NBEA: variants seen among roughly 807,000 people sequenced by gnomAD.
The protein encoded by NBEA is lysosomal-trafficking regulator 2.
Under a neutral mutation model 343.4 loss-of-function variants are expected in NBEA, and 44 were observed. The ratio of observed to expected loss-of-function variants is 0.13; its 90% CI spans 0.10 to 0.16. The LOEUF is 0.16. NBEA is among the 10% of genes least tolerant of loss of function. The pLI, the probability that NBEA is intolerant of heterozygous loss-of-function variation, is 1.00. For missense variants in NBEA, 2,555 were observed against 3,631.3 expected, an observed-to-expected ratio of 0.70 and a Z score of 7.62; for synonymous variants, 1,175 against 1,238.7, an observed-to-expected ratio of 0.95 and a Z score of 1.08.
In NBEA at chr13:35,386,667, T is replaced by A. The variant is rs536730120; in HGVS notation, c.6179+34344T>A. 1.9e-3 allele frequency among the ~76,000 whole-genome samples: 282 copies of A among 152,296 alleles called. 1 individual carries two copies. The highest frequency in any genetic ancestry group is 6.5e-3 in the African/African-American group (269 of 41,584). On this transcript the variant is annotated intron_variant, in intron 38 of 58. Coordinates refer to ENST00000379939, the MANE Select transcript of NBEA (RefSeq NM_001385012.1). Reference sequence around the variant, plus strand: ...ATTTTTTAAAATTCAATGTTTTGGTTAACTAGATTTAACAATTAGTTTGTA... The same window carrying A: ...ATTTTTTAAAATTCAATGTTTTGGTAAACTAGATTTAACAATTAGTTTGTA...
chr13:35,273,153 C>G (rs1342693634), intron 34 of NBEA, among the ~76,000 whole-genome samples: 5 of 152,194 alleles, frequency 3.3e-5, no homozygotes, highest in Non-Finnish European at 7.3e-5. Flanking sequence ...AACAAACTTT[C>G]TCTCAGACCA....
At chr13:35,278,387 T>C (rs1162660369) in intron 34 of NBEA, among the ~76,000 whole-genome samples, 2 of 152,132 alleles carry the variant, frequency 1.3e-5, no homozygotes, top group East Asian at 3.9e-4. Context: ...TGCAATGTAA[T>C]TGACCATTTT....
chr13:35,273,096 A>T (rs889660789), intron 34 of NBEA, among the ~76,000 whole-genome samples: 5 of 152,150 alleles, frequency 3.3e-5, no homozygotes, highest in African/African-American at 1.2e-4. Context: ...TGACCACATA[A>T]TTGGAAGTAA....
At chr13:35,179,407 G>A (rs1290679180) in intron 28 of NBEA, among the ~76,000 whole-genome samples, 1 of 151,480 alleles carries the variant, frequency 6.6e-6, no homozygotes, top group East Asian at 1.9e-4. Flanking sequence ...AAATACCTGA[G>A]CAAGTCAATT....
intron 32 of NBEA, among the ~76,000 whole-genome samples, 153 bp from the exon 33 acceptor site, chr13:35,210,900 T>TATAAAATTATATAAAATTAG (rs2073729394): frequency 6.6e-6 from 1 of 152,208 alleles, no homozygotes; most frequent in South Asian, 2.1e-4. Flanking sequence ...ATTATGTTCA[T>TATAAAATTATATAAAATTAG]TAGCATACTT....
At chr13:35,149,266 T>C (rs2068624637) in intron 18 of NBEA, among the ~76,000 whole-genome samples, 1 of 152,222 alleles carries the variant, frequency 6.6e-6, no homozygotes, top group Admixed American at 6.5e-5. Context: ...ATTTTCTTTC[T>C]TTATTCTGAT....
At chr13:35,370,628 T>C (rs1238542352) in intron 38 of NBEA, among the ~76,000 whole-genome samples, 1 of 152,106 alleles carries the variant, frequency 6.6e-6, no homozygotes, top group African/African-American at 2.4e-5. Context: ...TCTCTTTTAT[T>C]GTTTATCATT....
At chr13:35,330,716 G>A (rs1002571325) in intron 36 of NBEA, among the ~76,000 whole-genome samples, 5 of 151,942 alleles carry the variant, frequency 3.3e-5, no homozygotes, top group East Asian at 1.9e-4. Context: ...ATCAACTGAC[G>A]CAAAGGCATG....
chr13:35,584,076 T>C, intron 46 of NBEA, 38 bp downstream of exon 46: 2 of 1,570,282 alleles, frequency 1.3e-6, no homozygotes, highest in Non-Finnish European at 1.7e-6. Flanking sequence ...CTTTGGTACC[T>C]TAAAATTTTA....
intron 17 of NBEA, among the ~76,000 whole-genome samples, chr13:35,139,748 T>TTG (rs1170983626): frequency 1.0e-4 from 14 of 137,250 alleles, no homozygotes; most frequent in African/African-American, 4.1e-4. Flanking sequence ...GATGGCGTTT[T>TTG]TTTTTTTTTT....
chr13:35,519,793 C>T (rs1442666267), intron 41 of NBEA, among the ~76,000 whole-genome samples: 1 of 152,116 alleles, frequency 6.6e-6, no homozygotes, highest in East Asian at 1.9e-4. Context: ...TTTGAATATT[C>T]TACCTATTTT....
chr13:35,342,663 C>T (rs767409157), intron 36 of NBEA, among the ~76,000 whole-genome samples: 40 of 152,038 alleles, frequency 2.6e-4, no homozygotes, highest in Non-Finnish European at 4.0e-4. Flanking sequence ...GGGATTGTTA[C>T]ATAATATTGT....
At chr13:35,425,397 G>A (rs1304958089) in intron 38 of NBEA, among the ~76,000 whole-genome samples, 2 of 152,088 alleles carry the variant, frequency 1.3e-5, no homozygotes, top group Non-Finnish European at 2.9e-5. Flanking sequence ...CCTTCATTTT[G>A]TTATGTACCC....
chr13:35,514,947 CA>C (rs2077427100), intron 41 of NBEA, among the ~76,000 whole-genome samples: 1 of 152,174 alleles, frequency 6.6e-6, no homozygotes, highest in African/African-American at 2.4e-5. Flanking sequence ...TTGGCAATGA[CA>C]GATAAGTCCG....
chr13:34,996,590 C>A (rs1271395906), intron 1 of NBEA, among the ~76,000 whole-genome samples: 1 of 151,588 alleles, frequency 6.6e-6, no homozygotes, highest in Non-Finnish European at 1.5e-5. Flanking sequence ...TTGAGTGGTC[C>A]CAGCAATAAT....
chr13:35,361,136 T>C (rs1005731176), intron 38 of NBEA, among the ~76,000 whole-genome samples: 1 of 152,008 alleles, frequency 6.6e-6, no homozygotes, highest in Non-Finnish European at 1.5e-5. Flanking sequence ...ATGTTACATA[T>C]AATAGGCAAC....
chr13:35,307,071 A>G (rs1012795172), intron 35 of NBEA, among the ~76,000 whole-genome samples: 17 of 152,076 alleles, frequency 1.1e-4, no homozygotes, highest in African/African-American at 4.1e-4. Flanking sequence ...TTTTCATAAT[A>G]ATATTACCAT....
chr13:35,214,561 G>A (rs889965530), intron 33 of NBEA, among the ~76,000 whole-genome samples: 2 of 151,474 alleles, frequency 1.3e-5, no homozygotes, highest in African/African-American at 4.8e-5. Flanking sequence ...AATTTTTCTT[G>A]AGATATGAGT....
At chr13:35,107,462 T>G (rs1266360250) in intron 11 of NBEA, among the ~76,000 whole-genome samples, 1 of 151,984 alleles carries the variant, frequency 6.6e-6, no homozygotes, top group Non-Finnish European at 1.5e-5. Context: ...ATTTTTAACC[T>G]TATAATAATT....
Sources: allele counts gnomAD v4.1 joint callset (sites outside exome capture counted in the v4.1 genomes callset), GRCh38; gene constraint gnomAD v4.1.1; transcripts MANE v1.5; gene names NCBI Gene and HGNC (gene_info 2026-07-23, HGNC 2026-07-21).